The following SGK1 variants were observed in gnomAD, a reference collection of about 807,000 sequenced individuals.
SGK1 encodes serum/glucocorticoid regulated kinase 1.
In SGK1, 26 loss-of-function variants were observed where a neutral mutation model predicts 64.2. That is an observed-to-expected ratio of 0.40 (90% CI 0.30 to 0.56). The LOEUF (loss-of-function observed/expected upper bound fraction) is 0.56. Among genes scored for constraint, SGK1 ranks in the 20% least tolerant of loss-of-function variants. The pLI is 0.38. For missense variants in SGK1, 519 were observed against 645.6 expected (o/e 0.80, Z 2.12); for synonymous variants, 265 against 239.7 (o/e 1.11, Z -0.98).
chr6:134,254,290 C>T (rs181281264), intron 2 of SGK1, among the ~76,000 whole-genome samples: 1 of 152,250 alleles, frequency 6.6e-6, no homozygotes, highest in Admixed American at 6.5e-5. Flanking sequence ...AATACATGGA[C>T]ACGCACACAC....
intron 3 of SGK1, among the ~76,000 whole-genome samples, chr6:134,201,948 A>G (rs1775693633): frequency 6.6e-6 from 1 of 152,174 alleles, no homozygotes; most frequent in African/African-American, 2.4e-5. Context: ...CCTAGTTTCA[A>G]ACTGTGAGAA....
At chr6:134,178,690 C>T (rs897929310) in intron 3 of SGK1, among the ~76,000 whole-genome samples, 1 of 152,210 alleles carries the variant, frequency 6.6e-6, no homozygotes. Flanking sequence ...GCTCCATATA[C>T]GCGTATACGC....
intron 3 of SGK1, among the ~76,000 whole-genome samples, chr6:134,194,756 C>T (rs1775571736): frequency 6.6e-6 from 1 of 152,156 alleles, no homozygotes; most frequent in South Asian, 2.1e-4. Context: ...GTCCTTACCT[C>T]AAGTGATGCG....
intron 10 of SGK1, 171 bp downstream of exon 10, chr6:134,172,022 G>T: frequency 1.2e-6 from 1 of 809,648 alleles, no homozygotes; most frequent in Non-Finnish European, 2.0e-6. Flanking sequence ...GGAACAGAAG[G>T]ACTTGGGATT....
At chr6:134,187,760 C>A (rs1283922390) in intron 3 of SGK1, among the ~76,000 whole-genome samples, 1 of 152,086 alleles carries the variant, frequency 6.6e-6, no homozygotes, top group Non-Finnish European at 1.5e-5. Flanking sequence ...TTCTGGGAGT[C>A]CATGGATGGT....
intron 1 of SGK1, among the ~76,000 whole-genome samples, chr6:134,281,660 G>C (rs1240507065): frequency 6.6e-6 from 1 of 151,820 alleles, no homozygotes; most frequent in African/African-American, 2.4e-5. Flanking sequence ...TGGGACTACA[G>C]GTGCACCACC....
intron 2 of SGK1, chr6:134,261,319 T>C (rs533263949): frequency 2.2e-4 from 34 of 155,360 alleles, no homozygotes; most frequent in South Asian, 4.0e-4. Flanking sequence ...ATCTCCTGTG[T>C]GATCAAACCA....
At chr6:134,201,349 C>T (rs11752385) in intron 3 of SGK1, among the ~76,000 whole-genome samples, 69,354 of 150,546 alleles carry the variant, frequency 0.46, 18,543 homozygotes, top group Non-Finnish European at 0.61. Flanking sequence ...CGTGAGCCAC[C>T]ACACCCAGCC....
intron 3 of SGK1, among the ~76,000 whole-genome samples, chr6:134,196,015 G>A (rs932701487): frequency 6.6e-5 from 10 of 152,094 alleles, no homozygotes; most frequent in African/African-American, 2.4e-4. Context: ...GGTAAAAAGA[G>A]CTAACATAAA....
At chr6:134,182,698 C>T (rs1347181880) in intron 3 of SGK1, among the ~76,000 whole-genome samples, 5 of 152,172 alleles carry the variant, frequency 3.3e-5, no homozygotes, top group Non-Finnish European at 2.9e-5. Flanking sequence ...GGCACTTGCA[C>T]AGCATGGGCC....
intron 2 of SGK1, among the ~76,000 whole-genome samples, chr6:134,211,188 A>T (rs1429552549): frequency 3.3e-5 from 5 of 152,232 alleles, no homozygotes; most frequent in Admixed American, 3.3e-4. Context: ...AATAACACAA[A>T]ATCTAGAATA....
intron 3 of SGK1, among the ~76,000 whole-genome samples, chr6:134,179,268 T>C (rs1200813095): frequency 6.6e-6 from 1 of 152,200 alleles, no homozygotes; most frequent in Non-Finnish European, 1.5e-5. Context: ...TGTTTCATAT[T>C]GTTCAAAGTA....
At chr6:134,191,120 C>T (rs146379558) in intron 3 of SGK1, among the ~76,000 whole-genome samples, 2 of 152,166 alleles carry the variant, frequency 1.3e-5, no homozygotes, top group Non-Finnish European at 2.9e-5. Context: ...CTATTGTATT[C>T]ATGTGTTTAT....
In SGK1 at chr6:134,227,600, A is replaced by C. The variant is rs74956110; in HGVS notation, c.286-20169T>G. 1.6e-4 allele frequency among the ~76,000 whole-genome samples: 24 copies of C among 152,364 alleles called. No individual in the cohort carries two copies. In the East Asian group the frequency reaches 4.6e-3, roughly 29 times the overall value. On this transcript the variant is annotated intron_variant, in intron 2 of 13. Coordinates refer to ENST00000367858, the MANE Select transcript of SGK1 (RefSeq NM_001143676.3). ...ACAAAAGATTACACCTAAAGCCAAGAAGGAAAAGCATGTTGTCCTAAAGTG... is the reference window on the plus strand; with the variant it reads ...ACAAAAGATTACACCTAAAGCCAAGCAGGAAAAGCATGTTGTCCTAAAGTG...
intron 5 of SGK1, 180 bp from the exon 6 acceptor site, chr6:134,173,746 ATGT>A: frequency 1.6e-6 from 1 of 606,234 alleles, no homozygotes. Context: ...GCACACAGTC[ATGT>A]TGTTTCAGAC....
At chr6:134,203,771 G>A (rs953850884) in intron 3 of SGK1, among the ~76,000 whole-genome samples, 2 of 152,064 alleles carry the variant, frequency 1.3e-5, no homozygotes, top group African/African-American at 2.4e-5. Flanking sequence ...TAATCATAAA[G>A]ATGTGTGTGT....
chr6:134,213,152 C>T (rs1459595924), intron 2 of SGK1, among the ~76,000 whole-genome samples: 4 of 152,146 alleles, frequency 2.6e-5, no homozygotes, highest in African/African-American at 9.7e-5. Flanking sequence ...ACTATATATA[C>T]TGCAACTGTT....
chr6:134,241,529 C>T (rs1776446305), intron 2 of SGK1, among the ~76,000 whole-genome samples: 1 of 151,950 alleles, frequency 6.6e-6, no homozygotes, highest in Non-Finnish European at 1.5e-5. Context: ...GCCTCTCCCT[C>T]CTCGGAATTT....
At chr6:134,210,834 A>AATT (rs59053070) in intron 2 of SGK1, among the ~76,000 whole-genome samples, 1 of 143,664 alleles carries the variant, frequency 7.0e-6, no homozygotes, top group African/African-American at 2.7e-5. Context: ...AAAAAAAAAA[A>AATT]TTTTAAAAGG....
Sources: allele counts gnomAD v4.1 joint callset (sites outside exome capture counted in the v4.1 genomes callset), GRCh38; gene constraint gnomAD v4.1.1; transcripts MANE v1.5; gene names NCBI Gene and HGNC (gene_info 2026-07-23, HGNC 2026-07-21).